Variants in PRKG1 observed in about 807,000 individuals in gnomAD.
PRKG1 encodes the protein cGMP-dependent protein kinase 1.
A neutral mutation model predicts 88.1 loss-of-function variants in PRKG1; 35 were observed. The ratio of observed to expected loss-of-function variants is 0.40; its 90% CI spans 0.30 to 0.53. The LOEUF is 0.53. PRKG1 is among the 20% of genes least tolerant of loss of function. PRKG1 has a pLI of 0.59. For synonymous variants in PRKG1, 303 were observed against 292.5 expected, an observed-to-expected ratio of 1.04 and a Z score of -0.37; for missense variants, 540 against 839.8, an observed-to-expected ratio of 0.64 and a Z score of 4.41.
chr10:52,146,733 AT>A (rs1837739141), intron 8 of PRKG1, among the ~76,000 whole-genome samples: 1 of 152,120 alleles, frequency 6.6e-6, no homozygotes, highest in Admixed American at 6.6e-5. Context: ...GCTCATTTTA[AT>A]TTTTTATTTT....
At chr10:51,062,126 G>A (rs1009317062) in intron 1 of PRKG1, among the ~76,000 whole-genome samples, 2 of 152,150 alleles carry the variant, frequency 1.3e-5, no homozygotes, top group African/African-American at 4.8e-5. Flanking sequence ...GGAAGACTAG[G>A]ATCAGATCAC....
Position 52,138,752 on chromosome 10 carries a change from G to A in PRKG1, c.1001+4847G>A, listed in dbSNP as rs563749905. Among the ~76,000 whole-genome samples, 11 of 152,210 alleles carry A rather than the reference G, an allele frequency of 7.2e-5. No homozygotes were observed. The South Asian group carries it at 2.3e-3, about 32-fold the overall frequency. On this transcript the variant is annotated intron_variant, in intron 8 of 17. Transcript: ENST00000373980. ...AATTAGGAGGAAATGTCAAGCATGA[G>A]ATTGTAGGGCATTGCAAGTAGCAAT...
chr10:51,729,438 G>T (rs2132467642), intron 3 of PRKG1, among the ~76,000 whole-genome samples: 1 of 152,164 alleles, frequency 6.6e-6, no homozygotes, highest in East Asian at 1.9e-4. Flanking sequence ...GAGAAAAATT[G>T]ACTGGGCACG....
intron 6 of PRKG1, among the ~76,000 whole-genome samples, chr10:52,059,099 T>C (rs959749108): frequency 6.6e-6 from 1 of 151,882 alleles, no homozygotes. Context: ...AAAGTGCATA[T>C]TGAAATCCTG....
chr10:51,753,154 G>A (rs1237580878), intron 3 of PRKG1, among the ~76,000 whole-genome samples: 1 of 151,944 alleles, frequency 6.6e-6, no homozygotes, highest in East Asian at 1.9e-4. Context: ...CTTTTAGTAA[G>A]CTTTTGGAAA....
intron 1 of PRKG1, among the ~76,000 whole-genome samples, chr10:51,013,450 G>T (rs1264280543): frequency 6.6e-6 from 1 of 152,176 alleles, no homozygotes; most frequent in Non-Finnish European, 1.5e-5. Flanking sequence ...GAGTGCAGTG[G>T]TGCGATCTCG....
rs537093347 is a variant in PRKG1, at chr10:51,208,543, T to A, written c.478+55213T>A. Among the ~76,000 whole-genome samples, 3 of 152,226 alleles carry A rather than the reference T, an allele frequency of 2.0e-5. No individual in the cohort carries two copies. In the South Asian group the frequency reaches 6.2e-4, roughly 32 times the overall value. On this transcript the variant is annotated intron_variant, in intron 2 of 17. Coordinates refer to ENST00000373980, the MANE Select transcript of PRKG1 (RefSeq NM_006258.4). Reference sequence around the variant, plus strand: ...CTGTAATATTAAGGATGAAAAGGGTTAGGGGAGTTCAGAAATGAGAGAGAA... The same window carrying A: ...CTGTAATATTAAGGATGAAAAGGGTAAGGGGAGTTCAGAAATGAGAGAGAA...
chr10:51,656,934 T>C (rs942883848), intron 3 of PRKG1, among the ~76,000 whole-genome samples: 2 of 152,132 alleles, frequency 1.3e-5, no homozygotes, highest in Non-Finnish European at 2.9e-5. Flanking sequence ...AATCTTGACT[T>C]TTCTGACTTG....
At chr10:51,445,308 G>A (rs1342140935) in intron 2 of PRKG1, among the ~76,000 whole-genome samples, 1 of 151,772 alleles carries the variant, frequency 6.6e-6, no homozygotes, top group Admixed American at 6.6e-5. Context: ...CTAATTTAAA[G>A]CTTTATCGTA....
At chr10:51,011,281 G>GACTCTACCCACCAGTAACACCAGTAAT in intron 1 of PRKG1, among the ~76,000 whole-genome samples, 1 of 151,850 alleles carries the variant, frequency 6.6e-6, no homozygotes, top group South Asian at 2.1e-4. Flanking sequence ...CAGCATCTTG[G>GACTCTACCCACCAGTAACACCAGTAAT]ACTCTACCCA....
At chr10:51,400,359 C>T (rs1488238837) in intron 2 of PRKG1, among the ~76,000 whole-genome samples, 11 of 152,224 alleles carry the variant, frequency 7.2e-5, no homozygotes, top group Non-Finnish European at 2.9e-5. Flanking sequence ...TTCAGGGAAG[C>T]GTTCTCTAAG....
chr10:51,527,294 CAT>C (rs1214895498), intron 3 of PRKG1, among the ~76,000 whole-genome samples: 8 of 151,628 alleles, frequency 5.3e-5, no homozygotes, highest in African/African-American at 1.2e-4. Context: ...TATATAATAA[CAT>C]AGATATTATG....
intron 4 of PRKG1, among the ~76,000 whole-genome samples, chr10:51,836,089 A>G (rs938586603): frequency 6.6e-6 from 1 of 152,156 alleles, no homozygotes; most frequent in Non-Finnish European, 1.5e-5. Context: ...TATCAAAAAG[A>G]ATTAATCTGG....
At chr10:51,176,154 T>C (rs1837185870) in intron 2 of PRKG1, among the ~76,000 whole-genome samples, 1 of 152,072 alleles carries the variant, frequency 6.6e-6, no homozygotes, top group Admixed American at 6.6e-5. Flanking sequence ...GATTTCAAAT[T>C]ATTAAAGTTA....
intron 5 of PRKG1, among the ~76,000 whole-genome samples, chr10:51,970,636 A>G (rs1329584611): frequency 1.3e-5 from 2 of 149,214 alleles, no homozygotes; most frequent in South Asian, 2.1e-4. Context: ...TGGTGTAGCT[A>G]GTTTTGAAAA....
At chr10:51,869,585 A>G (rs1377114500) in intron 4 of PRKG1, among the ~76,000 whole-genome samples, 3 of 152,156 alleles carry the variant, frequency 2.0e-5, no homozygotes, top group Admixed American at 1.3e-4. Context: ...GCTTACCATC[A>G]TTTTTTCACC....
chr10:51,744,606 T>C (rs986050947), intron 3 of PRKG1, among the ~76,000 whole-genome samples: 8 of 152,222 alleles, frequency 5.3e-5, no homozygotes, highest in African/African-American at 1.9e-4. Flanking sequence ...TTTTCTTGTT[T>C]GTATGAGAAA....
chr10:52,203,460 C>T (rs1011182845), intron 9 of PRKG1, among the ~76,000 whole-genome samples: 1 of 152,062 alleles, frequency 6.6e-6, no homozygotes, highest in Non-Finnish European at 1.5e-5. Flanking sequence ...AGAGTATGTG[C>T]CATATGCAGA....
chr10:51,256,086 A>C (rs918555246), intron 2 of PRKG1, among the ~76,000 whole-genome samples: 3 of 152,128 alleles, frequency 2.0e-5, no homozygotes, highest in African/African-American at 4.8e-5. Context: ...TTGCAAGTGA[A>C]GATAAATTTT....
Sources: allele counts gnomAD v4.1 joint callset (sites outside exome capture counted in the v4.1 genomes callset), GRCh38; gene constraint gnomAD v4.1.1; transcripts MANE v1.5; gene names NCBI Gene and HGNC (gene_info 2026-07-23, HGNC 2026-07-21).